PTPRM: variants seen among roughly 807,000 people sequenced by gnomAD.
The protein encoded by PTPRM is receptor-type tyrosine-protein phosphatase mu.
Under a neutral mutation model 186.7 loss-of-function variants are expected in PTPRM, and 47 were observed. The observed-to-expected ratio is 0.25, with a 90% confidence interval of 0.20 to 0.32. The LOEUF is 0.32. Ranked by LOEUF, PTPRM falls within the 10% of genes least tolerant of loss-of-function variation. The pLI is 1.00. For missense variants in PTPRM, 1,494 were observed against 1,865.0 expected (o/e 0.80, Z 3.66); for synonymous variants, 668 against 674.9 (o/e 0.99, Z 0.16).
chr18:7,954,075 TG>T (rs1346841608), intron 6 of PTPRM, among the ~76,000 whole-genome samples: 4 of 152,316 alleles, frequency 2.6e-5, no homozygotes, highest in Non-Finnish European at 5.9e-5. Flanking sequence ...TTATCATGTG[TG>T]GTATCACCCA....
chr18:7,689,702 T>G (rs1437210687), intron 1 of PTPRM, among the ~76,000 whole-genome samples: 2 of 152,206 alleles, frequency 1.3e-5, no homozygotes, highest in Non-Finnish European at 2.9e-5. Context: ...AAGCAACAAG[T>G]AATAATTGCT....
At chr18:8,014,315 A>C (rs2084722727) in intron 7 of PTPRM, among the ~76,000 whole-genome samples, 1 of 152,212 alleles carries the variant, frequency 6.6e-6, no homozygotes, top group African/African-American at 2.4e-5. Context: ...CATGATAAGT[A>C]ATCTTTTGAC....
rs1165517812 is a variant in PTPRM, at chr18:7,967,145, A to AC, written c.1132+11735dup. On this transcript the variant is annotated intron_variant, in intron 7 of 32. Transcript: ENST00000580170. ...GACTGCCTCCTCAAGTGGGTCCCTG[A>AC]CCCCTGACCCCCGAGCAGCCTAACT... is the stretch of plus-strand genomic sequence containing the variant. Among the ~76,000 whole-genome samples the AC allele has an allele frequency of 3.8e-4, 16 of 42,194 alleles. No individual in the cohort carries two copies. The South Asian group carries it at 7.5e-3, about 20-fold the overall frequency. 27.7% of individuals were successfully genotyped at this position (42,194 alleles called of 152,430 possible).
rs564567688 is a variant in PTPRM at position 8,189,538 on chromosome 18, T to G, written c.2300+45759T>G. 2.0e-5 allele frequency among the ~76,000 whole-genome samples: 3 copies of G among 152,302 alleles called. No homozygotes were observed. The South Asian group carries it at 6.2e-4, about 32-fold the overall frequency. ...GTTTTATCCTCAGCCCAAAGCGAAATAAAGCCATAGAAAGTTTTTGGGATG... is the reference window on the plus strand; with the variant it reads ...GTTTTATCCTCAGCCCAAAGCGAAAGAAAGCCATAGAAAGTTTTTGGGATG... On this transcript the variant is annotated intron_variant, in intron 14 of 32. Coordinates refer to ENST00000580170, the MANE Select transcript of PTPRM (RefSeq NM_001105244.2).
chr18:8,122,370 T>C (rs1333156243), intron 13 of PTPRM: 3 of 152,660 alleles, frequency 2.0e-5, no homozygotes, highest in Non-Finnish European at 4.4e-5. Context: ...CTCATTTTTC[T>C]CAGCTCTGTT....
At chr18:7,853,726 A>G (rs1381751155) in intron 2 of PTPRM, among the ~76,000 whole-genome samples, 1 of 151,880 alleles carries the variant, frequency 6.6e-6, no homozygotes, top group African/African-American at 2.4e-5. Flanking sequence ...AACACAACCT[A>G]TTCTTGAAAG....
At chr18:7,646,109 A>G (rs1228088839) in intron 1 of PTPRM, among the ~76,000 whole-genome samples, 5 of 152,158 alleles carry the variant, frequency 3.3e-5, no homozygotes, top group Non-Finnish European at 2.9e-5. Flanking sequence ...CCATTGGAAG[A>G]CATCAGGTTT....
At chr18:7,579,940 T>G (rs896058900) in intron 1 of PTPRM, among the ~76,000 whole-genome samples, 1 of 152,212 alleles carries the variant, frequency 6.6e-6, no homozygotes, top group Admixed American at 6.5e-5. Flanking sequence ...AATGGGCATA[T>G]TGGTCTGTTA....
chr18:8,234,864 C>T (rs1385325437), intron 14 of PTPRM, among the ~76,000 whole-genome samples: 1 of 152,066 alleles, frequency 6.6e-6, no homozygotes, highest in Admixed American at 6.5e-5. Flanking sequence ...TCTTCCATAG[C>T]CTGTCAATGT....
intron 13 of PTPRM, among the ~76,000 whole-genome samples, chr18:8,138,876 T>G (rs889236877): frequency 3.9e-5 from 6 of 152,178 alleles, no homozygotes; most frequent in Non-Finnish European, 1.5e-5. Context: ...GATCCCTTTC[T>G]TCCTCTCTGG....
chr18:8,251,148 A>G (rs1030162298), intron 17 of PTPRM, among the ~76,000 whole-genome samples: 60 of 152,172 alleles, frequency 3.9e-4, no homozygotes, highest in African/African-American at 1.2e-3. Context: ...ATGTAGCTCT[A>G]TGGATTTAAA....
intron 2 of PTPRM, among the ~76,000 whole-genome samples, chr18:7,825,044 G>T (rs923301382): frequency 6.6e-6 from 1 of 152,162 alleles, no homozygotes; most frequent in Non-Finnish European, 1.5e-5. Flanking sequence ...TAGCATCAAG[G>T]CTTGCTGCGT....
intron 14 of PTPRM, among the ~76,000 whole-genome samples, chr18:8,189,436 T>G (rs1284100100): frequency 6.6e-6 from 1 of 152,146 alleles, no homozygotes; most frequent in Non-Finnish European, 1.5e-5. Flanking sequence ...ACTCTGCATC[T>G]CCATGGACAG....
intron 14 of PTPRM, among the ~76,000 whole-genome samples, chr18:8,199,816 C>T (rs965685950): frequency 1.3e-5 from 2 of 152,246 alleles, no homozygotes; most frequent in East Asian, 3.9e-4. Flanking sequence ...TTTGTTCCCT[C>T]CCTTAACAAG....
rs543206909 is a variant in PTPRM, at chr18:8,086,218, A to G, written c.1753+346A>G. ...AAATCTCTGTAATGAACCATGAACCATCGGGAGCTCTGCAGAAAGACAGTC... is the reference window on the plus strand; with the variant it reads ...AAATCTCTGTAATGAACCATGAACCGTCGGGAGCTCTGCAGAAAGACAGTC... On this transcript the variant is annotated intron_variant, in intron 10 of 32. Coordinates refer to ENST00000580170, the MANE Select transcript of PTPRM (RefSeq NM_001105244.2). Among the ~76,000 whole-genome samples, 70 of 152,206 alleles carry G rather than the reference A, an allele frequency of 4.6e-4. 1 individual carries two copies. The highest frequency in any genetic ancestry group is 1.6e-3 in the African/African-American group (65 of 41,546).
rs150999984 is a variant in PTPRM, at chr18:7,574,905, G to C, written c.73+7014G>C. Among the ~76,000 whole-genome samples, 665 of 152,266 alleles carry C rather than the reference G, an allele frequency of 4.4e-3. 6 individuals carry two copies. The highest frequency in any genetic ancestry group is 0.015 in the African/African-American group (635 of 41,558). ...AAATTAGCCGGGCGTGTTGGTGGGC[G>C]CCTGTAGTCCCAGCTACTCCGGAAG... On this transcript the variant is annotated intron_variant, in intron 1 of 32. Coordinates refer to ENST00000580170, the MANE Select transcript of PTPRM (RefSeq NM_001105244.2).
At chr18:7,749,451 C>T (rs917697213) in intron 1 of PTPRM, 2 of 152,016 alleles carry the variant, frequency 1.3e-5, no homozygotes, top group African/African-American at 4.8e-5. Context: ...TCCTGGTTTC[C>T]TTGTATACTT....
intron 19 of PTPRM, among the ~76,000 whole-genome samples, chr18:8,295,495 A>G (rs1490460334): frequency 6.6e-6 from 1 of 151,982 alleles, no homozygotes; most frequent in Non-Finnish European, 1.5e-5. Context: ...GCGTTCCCAA[A>G]TGGTGCTCTC....
At chr18:7,817,878 G>T (rs1377257013) in intron 2 of PTPRM, among the ~76,000 whole-genome samples, 1 of 152,176 alleles carries the variant, frequency 6.6e-6, no homozygotes, top group Non-Finnish European at 1.5e-5. Context: ...ACTCCCGGAA[G>T]CTGGAAGGGA....
Sources: allele counts gnomAD v4.1 joint callset (sites outside exome capture counted in the v4.1 genomes callset), GRCh38; gene constraint gnomAD v4.1.1; transcripts MANE v1.5; gene names NCBI Gene and HGNC (gene_info 2026-07-23, HGNC 2026-07-21).